LRCH1: variants seen among roughly 807,000 people sequenced by gnomAD.
LRCH1 encodes the protein leucine-rich repeat and calponin homology domain-containing protein 1.
Under a neutral mutation model 94.9 loss-of-function variants are expected in LRCH1, and 23 were observed. That is an observed-to-expected ratio of 0.24 (90% CI 0.17 to 0.34). The LOEUF is 0.34. Among genes scored for constraint, LRCH1 ranks in the 10% least tolerant of loss-of-function variants. The pLI, the probability that LRCH1 is intolerant of heterozygous loss-of-function variation, is 1.00. For missense variants in LRCH1, 790 were observed against 945.9 expected (o/e 0.84, Z 2.16); for synonymous variants, 364 against 354.9 (o/e 1.03, Z -0.29).
At chr13:46,750,679 A>G in exon 19 of LRCH1, 1 of 1,453,444 alleles carries the variant, frequency 6.9e-7, no homozygotes, top group Non-Finnish European at 9.4e-7. Flanking sequence ...GGGGGCTCAG[A>G]CTCTGCTCTC....
intron 1 of LRCH1, among the ~76,000 whole-genome samples, chr13:46,564,446 T>C (rs2050160859): frequency 6.6e-6 from 1 of 152,246 alleles, no homozygotes; most frequent in Non-Finnish European, 1.5e-5. Flanking sequence ...AGGCTGTGAA[T>C]GAGGCCCCTG....
intron 1 of LRCH1, among the ~76,000 whole-genome samples, chr13:46,584,160 C>T (rs1002899842): frequency 2.0e-5 from 3 of 152,072 alleles, no homozygotes; most frequent in Admixed American, 6.5e-5. Context: ...AATTATAGTC[C>T]GTTCAATTCA....
chr13:46,679,150 A>G (rs1198285634), intron 3 of LRCH1, among the ~76,000 whole-genome samples: 1 of 152,206 alleles, frequency 6.6e-6, no homozygotes, highest in Non-Finnish European at 1.5e-5. Flanking sequence ...AATTCCTTCT[A>G]ATTCTTCCCC....
intron 1 of LRCH1, among the ~76,000 whole-genome samples, chr13:46,568,317 A>G (rs543184220): frequency 3.9e-5 from 6 of 152,306 alleles, no homozygotes; most frequent in East Asian, 1.9e-4. Context: ...CATGATTTAG[A>G]TAAGTTATAT....
At chr13:46,648,794 T>C (rs2051255357) in intron 1 of LRCH1, among the ~76,000 whole-genome samples, 1 of 152,192 alleles carries the variant, frequency 6.6e-6, no homozygotes, top group Non-Finnish European at 1.5e-5. Flanking sequence ...TCATAAATTA[T>C]ATCTCTTCTT....
intron 1 of LRCH1, among the ~76,000 whole-genome samples, chr13:46,568,619 C>G (rs570820551): frequency 6.6e-6 from 1 of 152,092 alleles, no homozygotes. Context: ...TTAAAAATTA[C>G]AAAATATTGC....
intron 2 of LRCH1, among the ~76,000 whole-genome samples, chr13:46,652,217 C>T (rs1719418734): frequency 6.6e-6 from 1 of 152,090 alleles, no homozygotes; most frequent in East Asian, 1.9e-4. Context: ...GCTGGGACTA[C>T]AGGCGCCCGC....
At chr13:46,637,657 G>A (rs545659613) in intron 1 of LRCH1, among the ~76,000 whole-genome samples, 1 of 151,708 alleles carries the variant, frequency 6.6e-6, no homozygotes, top group African/African-American at 2.4e-5. Context: ...CCTTGGTTGC[G>A]AATTCTTCCC....
chr13:46,654,430 T>C (rs2051345473), intron 2 of LRCH1, among the ~76,000 whole-genome samples: 1 of 152,226 alleles, frequency 6.6e-6, no homozygotes, highest in African/African-American at 2.4e-5. Flanking sequence ...GTGGACTTCA[T>C]TGACTTTTGA....
Position 46,681,863 on chromosome 13 carries a change from G to T in LRCH1, c.685+17G>T. ...TACCACAAGGTAAAAAAGAAAGAGG[G>T]AAAATGAAGAAAATGGGAGACTTGC... is the stretch of plus-strand genomic sequence containing the variant. On this transcript the variant is annotated intron_variant, in intron 4 of 19. Transcript: ENST00000389797. The T allele has an allele frequency of 6.9e-7, 1 of 1,439,920 alleles. No homozygotes were observed. The highest frequency in any genetic ancestry group is 1.2e-5 in the South Asian group (1 of 86,566). 89.2% of individuals were successfully genotyped at this position (1,439,920 alleles called of 1,614,324 possible). A position where few individuals can be genotyped will look rare whatever the true frequency, so the allele number is the denominator to read the frequency against.
chr13:46,641,109 G>C (rs988533301), intron 1 of LRCH1, among the ~76,000 whole-genome samples: 5 of 152,252 alleles, frequency 3.3e-5, no homozygotes, highest in South Asian at 2.1e-4. Context: ...TGTGCCCCAT[G>C]GGTGCTGAGT....
intron 1 of LRCH1, among the ~76,000 whole-genome samples, chr13:46,626,607 C>A (rs2050953415): frequency 6.6e-6 from 1 of 152,236 alleles, no homozygotes; most frequent in Non-Finnish European, 1.5e-5. Flanking sequence ...CCTTTGCTGA[C>A]TCTCTTTTCG....
At chr13:46,673,928 G>A (rs933218726) in intron 3 of LRCH1, among the ~76,000 whole-genome samples, 12 of 152,092 alleles carry the variant, frequency 7.9e-5, no homozygotes, top group Admixed American at 2.0e-4. Context: ...CTACAGGCAC[G>A]TACCACTGCA....
At chr13:46,604,430 G>T (rs1305819533) in intron 1 of LRCH1, among the ~76,000 whole-genome samples, 1 of 152,198 alleles carries the variant, frequency 6.6e-6, no homozygotes, top group Admixed American at 6.5e-5. Flanking sequence ...ATAGGATGAT[G>T]GGGGTGGCTC....
chr13:46,725,135 A>G (rs954532232), intron 17 of LRCH1, among the ~76,000 whole-genome samples: 1 of 152,218 alleles, frequency 6.6e-6, no homozygotes, highest in African/African-American at 2.4e-5. Flanking sequence ...TCTCACTTAT[A>G]AGGGAAAGTG....
chr13:46,677,358 G>A (rs9562677), intron 3 of LRCH1, among the ~76,000 whole-genome samples: 75,359 of 151,814 alleles, frequency 0.5, 19,436 homozygotes, highest in Middle Eastern at 0.59. Flanking sequence ...GAACCTGGGC[G>A]GCAGAGGTTT....
At chr13:46,650,879 C>G (rs752449636) in intron 2 of LRCH1, among the ~76,000 whole-genome samples, 24 of 152,182 alleles carry the variant, frequency 1.6e-4, no homozygotes, top group Non-Finnish European at 1.5e-4. Context: ...ACAAAGTTTG[C>G]TATCTATCTT....
At chr13:46,555,910 A>G (rs2050059248) in intron 1 of LRCH1, among the ~76,000 whole-genome samples, 1 of 152,216 alleles carries the variant, frequency 6.6e-6, no homozygotes, top group Non-Finnish European at 1.5e-5. Context: ...ACAGTTTCTT[A>G]TTTGAGAGAC....
intron 1 of LRCH1, among the ~76,000 whole-genome samples, chr13:46,555,873 T>C (rs2050058923): frequency 6.6e-6 from 1 of 152,234 alleles, no homozygotes; most frequent in Admixed American, 6.5e-5. Context: ...CATGTACTCT[T>C]TGTTCTAAAG....
Sources: gnomAD v4.1 joint callset for allele counts (sites outside exome capture counted in the v4.1 genomes callset) on GRCh38, gnomAD v4.1.1 for gene constraint, MANE v1.5 for transcripts, NCBI Gene and HGNC (gene_info 2026-07-23, HGNC 2026-07-21) for gene names.